ADGRL2: variants seen among roughly 807,000 people sequenced by gnomAD.
ADGRL2 encodes adhesion G protein-coupled receptor L2.
ADGRL2 carries 44 observed loss-of-function variants against 157.4 expected under a neutral mutation model. That is an observed-to-expected ratio of 0.28 (90% CI 0.22 to 0.36). The LOEUF (loss-of-function observed/expected upper bound fraction) is 0.36, where lower values mean the gene tolerates loss of function less well. ADGRL2 is among the 10% of genes least tolerant of loss of function. The pLI is 1.00. For synonymous variants in ADGRL2, 585 were observed against 624.7 expected (o/e 0.94, Z 0.95); for missense variants, 1,510 against 1,768.9 (o/e 0.85, Z 2.63).
At chr1:81,980,040 C>T in intron 18 of ADGRL2, 80 bp downstream of exon 18, 2 of 777,814 alleles carry the variant, frequency 2.6e-6, no homozygotes, top group South Asian at 3.1e-5. Flanking sequence ...GGGATTTCTA[C>T]CTTCTATCAA....
At chr1:81,952,527 A>G (rs572552872) in intron 9 of ADGRL2, among the ~76,000 whole-genome samples, 17 of 152,302 alleles carry the variant, frequency 1.1e-4, no homozygotes, top group African/African-American at 4.1e-4. Context: ...ATATAGGAAT[A>G]TTAGCCACTG....
intron 1 of ADGRL2, among the ~76,000 whole-genome samples, chr1:81,375,049 A>G (rs1029425278): frequency 1.3e-5 from 2 of 152,200 alleles, no homozygotes; most frequent in African/African-American, 4.8e-5. Flanking sequence ...GGCAGTTATC[A>G]TGGAGTGTTG....
chr1:81,545,288 CTT>C (rs57690437), intron 2 of ADGRL2, among the ~76,000 whole-genome samples: 45 of 141,868 alleles, frequency 3.2e-4, no homozygotes, highest in East Asian at 6.2e-4. Flanking sequence ...ACTGACTGAA[CTT>C]TTTTTTTTTT....
chr1:81,764,682 A>T (rs931002513), intron 2 of ADGRL2, among the ~76,000 whole-genome samples: 2 of 152,138 alleles, frequency 1.3e-5, no homozygotes, highest in Non-Finnish European at 2.9e-5. Context: ...GAATTGAGGG[A>T]CCAAGATTAG....
chr1:81,531,285 A>G (rs180886440), intron 2 of ADGRL2, among the ~76,000 whole-genome samples: 42 of 152,322 alleles, frequency 2.8e-4, no homozygotes, highest in African/African-American at 9.6e-4. Flanking sequence ...AAAAATCAAC[A>G]TAATAGATTG....
chr1:81,382,285 T>C (rs2101054946), intron 1 of ADGRL2, among the ~76,000 whole-genome samples: 1 of 152,300 alleles, frequency 6.6e-6, no homozygotes, highest in African/African-American at 2.4e-5. Flanking sequence ...CTGATTAAAA[T>C]TTAAAAATCA....
At position 81,705,009 on chromosome 1, in the gene ADGRL2, C is replaced by T. The variant is rs116516855; in HGVS notation, c.-143+5201C>T. 8.1e-3 allele frequency among the ~76,000 whole-genome samples: 1,240 copies of T among 152,236 alleles called. 16 individuals carry two copies. The highest frequency in any genetic ancestry group is 0.028 in the African/African-American group (1,178 of 41,560). Reference sequence around the variant, plus strand: ...AAATGCATGTAGATATGGGAATGCACATAAACATGAACAAAACAGTGTTGT... The same window carrying T: ...AAATGCATGTAGATATGGGAATGCATATAAACATGAACAAAACAGTGTTGT... On this transcript the variant is annotated intron_variant, in intron 1 of 20. Coordinates refer to the ADGRL2 transcript ENST00000359929.
chr1:81,769,886 T>C (rs1408768506), intron 2 of ADGRL2, among the ~76,000 whole-genome samples: 1 of 151,966 alleles, frequency 6.6e-6, no homozygotes, highest in Non-Finnish European at 1.5e-5. Context: ...TTTTTTGAGA[T>C]GGAGTCTTGC....
chr1:81,909,978 G>A (rs932794270), intron 3 of ADGRL2, among the ~76,000 whole-genome samples: 2 of 151,954 alleles, frequency 1.3e-5, no homozygotes, highest in African/African-American at 4.8e-5. Flanking sequence ...AGTGGCTCAC[G>A]TCTGTAATCC....
intron 2 of ADGRL2, among the ~76,000 whole-genome samples, chr1:81,551,809 CATCA>C (rs1215716137): frequency 6.6e-6 from 1 of 152,138 alleles, no homozygotes; most frequent in South Asian, 2.1e-4. Context: ...TCTTCTAGCA[CATCA>C]ATCAATCAAT....
At chr1:81,613,780 A>G (rs1328108999) in intron 3 of ADGRL2, among the ~76,000 whole-genome samples, 1 of 152,230 alleles carries the variant, frequency 6.6e-6, no homozygotes, top group Non-Finnish European at 1.5e-5. Flanking sequence ...GCACTTATAA[A>G]TGTGAGCAAT....
chr1:81,489,708 G>T (rs2078588763), intron 2 of ADGRL2, among the ~76,000 whole-genome samples: 1 of 152,182 alleles, frequency 6.6e-6, no homozygotes, highest in Non-Finnish European at 1.5e-5. Context: ...CTTGTAAGCT[G>T]CAAGACAGAA....
chr1:81,970,181 A>G, intron 15 of ADGRL2, 133 bp from the exon 16 acceptor site: 1 of 666,140 alleles, frequency 1.5e-6, no homozygotes, highest in East Asian at 2.7e-5. Flanking sequence ...TATTTTCAGG[A>G]AGCATTAGTT....
At chr1:81,829,646 T>C (rs1167744873) in intron 1 of ADGRL2, among the ~76,000 whole-genome samples, 2 of 152,190 alleles carry the variant, frequency 1.3e-5, no homozygotes. Flanking sequence ...AAACAGTTGC[T>C]TCTTTTTAAG....
At chr1:81,819,302 A>G (rs1181348136) in intron 1 of ADGRL2, among the ~76,000 whole-genome samples, 1 of 152,128 alleles carries the variant, frequency 6.6e-6, no homozygotes, top group Non-Finnish European at 1.5e-5. Flanking sequence ...ATCAAAGCCC[A>G]GAACCAAGGT....
At chr1:81,433,389 A>G (rs374699711) in intron 1 of ADGRL2, among the ~76,000 whole-genome samples, 63 of 152,334 alleles carry the variant, frequency 4.1e-4, no homozygotes, top group African/African-American at 1.5e-3. Flanking sequence ...GTCCAAGGAC[A>G]CCTCAAGGTC....
Position 81,383,953 on chromosome 1 carries a change from C to CAA in ADGRL2, c.-301-61070_-301-61069dup, listed in dbSNP as rs577073531. Among the ~76,000 whole-genome samples the CAA allele has an allele frequency of 3.6e-4, 30 of 83,812 alleles. 1 individual carries two copies. Among genetic ancestry groups the CAA allele is most frequent in the East Asian group, 6.6e-4 (2 of 3,016 alleles). The allele number at this position is 83,812 out of a possible 152,430, so 55.0% of individuals were successfully genotyped here. The stretch of plus-strand genomic sequence containing the variant: ...TGGGCAACAGAGCAAGACTCTGTCT[C>CAA]AAAAAAAAAAAAAAGAAAAGAAAAG... On this transcript the variant is annotated intron_variant, in intron 1 of 24. Coordinates refer to the ADGRL2 transcript ENST00000370721.
chr1:81,453,698 C>T (rs72940966), intron 2 of ADGRL2, among the ~76,000 whole-genome samples: 2,274 of 152,142 alleles, frequency 0.015, 38 homozygotes, highest in East Asian at 0.041. Context: ...GCAGGCTTGC[C>T]GATTTTTGCT....
At chr1:81,323,455 G>A (rs1570618975) in intron 1 of ADGRL2, among the ~76,000 whole-genome samples, 1 of 115,528 alleles carries the variant, frequency 8.7e-6, no homozygotes, top group Admixed American at 1.1e-4. Context: ...GTCTCACTAT[G>A]TTACCCAGGC....
Sources: allele counts gnomAD v4.1 joint callset (sites outside exome capture counted in the v4.1 genomes callset), GRCh38; gene constraint gnomAD v4.1.1; transcripts MANE v1.5; gene names NCBI Gene and HGNC (gene_info 2026-07-23, HGNC 2026-07-21).